The following SCAF8 variants were observed in gnomAD, a reference collection of about 807,000 sequenced individuals.
SCAF8 encodes SR-related CTD associated factor 8, also known as SR-related and CTD-associated factor 8.
SCAF8 carries 23 observed loss-of-function variants against 140.5 expected under a neutral mutation model. The ratio of observed to expected loss-of-function variants is 0.16; its 90% CI spans 0.12 to 0.23. The LOEUF (loss-of-function observed/expected upper bound fraction) is 0.23. Ranked by LOEUF, SCAF8 falls within the 10% of genes least tolerant of loss-of-function variation. SCAF8 has a pLI of 1.00. For synonymous variants in SCAF8, 575 were observed against 528.9 expected, an observed-to-expected ratio of 1.09 and a Z score of -1.20; for missense variants, 1,397 against 1,555.7, an observed-to-expected ratio of 0.90 and a Z score of 1.72.
intron 1 of SCAF8, among the ~76,000 whole-genome samples, chr6:154,753,696 A>G (rs1778896983): frequency 6.6e-6 from 1 of 152,186 alleles, no homozygotes; most frequent in African/African-American, 2.4e-5. Flanking sequence ...CATATTTATG[A>G]AGAAAGATGC....
At chr6:154,782,966 T>G (rs565932130) in intron 3 of SCAF8, among the ~76,000 whole-genome samples, 2 of 152,288 alleles carry the variant, frequency 1.3e-5, no homozygotes, top group African/African-American at 4.8e-5. Flanking sequence ...ATACTTTATG[T>G]CCTTCAATCC....
At chr6:154,734,184 G>A (rs1205686378) in intron 1 of SCAF8, among the ~76,000 whole-genome samples, 1 of 152,184 alleles carries the variant, frequency 6.6e-6, no homozygotes, top group African/African-American at 2.4e-5. Flanking sequence ...GAATGGCTGC[G>A]AGCTCGGAGG....
chr6:154,796,149 T>C (rs1777594454), intron 6 of SCAF8, among the ~76,000 whole-genome samples: 1 of 152,216 alleles, frequency 6.6e-6, no homozygotes. Context: ...TGTTACTTTT[T>C]TCAGACTCAT....
chr6:154,802,389 A>C (rs1195418343), intron 7 of SCAF8, among the ~76,000 whole-genome samples: 1 of 152,080 alleles, frequency 6.6e-6, no homozygotes, highest in Non-Finnish European at 1.5e-5. Context: ...GGGGAGCGCA[A>C]GGCAGGCAGA....
At chr6:154,796,643 T>C (rs914801964) in intron 6 of SCAF8, among the ~76,000 whole-genome samples, 1 of 152,118 alleles carries the variant, frequency 6.6e-6, no homozygotes, top group Admixed American at 6.5e-5. Context: ...ACCTGAGTGC[T>C]TTCTGCCTCT....
rs1414671973 is a variant in SCAF8, at chr6:154,834,183, A to G, written c.*788A>G. On this transcript the variant is annotated 3_prime_UTR_variant, in exon 20 of 20. Transcript: ENST00000367178. ...ACAACAATGAACTATGTGGTGGAAAAAGCATGTACTTTGATATAAAAATCA... is the reference window on the plus strand; with the variant it reads ...ACAACAATGAACTATGTGGTGGAAAGAGCATGTACTTTGATATAAAAATCA... The G allele has an allele frequency of 6.6e-6, 1 of 152,174 alleles. No homozygotes were observed. Among genetic ancestry groups the G allele is most frequent in the East Asian group, 1.9e-4 (1 of 5,200 alleles). The allele number at this position is 152,174 out of a possible 1,614,324, so 9.4% of individuals were successfully genotyped here.
intron 1 of SCAF8, among the ~76,000 whole-genome samples, chr6:154,767,486 CAT>C (rs940764416): frequency 4.1e-5 from 6 of 148,116 alleles, no homozygotes; most frequent in African/African-American, 1.5e-4. Context: ...TCTGGGAAAT[CAT>C]GTGTTGCCTC....
chr6:154,792,735 C>A, intron 4 of SCAF8, 88 bp from the exon 5 acceptor site: 1 of 842,190 alleles, frequency 1.2e-6, no homozygotes, highest in Non-Finnish European at 1.8e-6. Flanking sequence ...TTCTCCTTTC[C>A]ATCCAGGGCC....
intron 1 of SCAF8, among the ~76,000 whole-genome samples, chr6:154,766,577 T>C (rs1776572617): frequency 6.6e-6 from 1 of 152,052 alleles, no homozygotes; most frequent in Non-Finnish European, 1.5e-5. Context: ...AGTTGTCTTC[T>C]GTTAATTCCT....
In SCAF8 at chr6:154,810,087, C is replaced by T; in HGVS notation, c.1299C>T (p.Ser433=). 6.2e-7 allele frequency: 1 copy of T among 1,613,718 alleles called. No homozygotes were observed. The highest frequency in any genetic ancestry group is 8.5e-7 in the Non-Finnish European group (1 of 1,179,872). The change falls in exon 12 of 20, where the codon TCC becomes TCT. Residue 433 remains serine (S), a synonymous_variant. Transcript: ENST00000367178. ...GTAAACACAGAAAGCGATCACGCTC[C>T]CGCTCAAGAGAAAGAAAGAGGAAAT... ...RKRKHRKRSR[S]RSRERKRKSS...
chr6:154,791,168 T>G (rs1583038004), intron 4 of SCAF8, among the ~76,000 whole-genome samples: 1 of 152,214 alleles, frequency 6.6e-6, no homozygotes, highest in Non-Finnish European at 1.5e-5. Context: ...CTATTAAGTT[T>G]GAAGCTTTCA....
chr6:154,807,958 A>G, intron 9 of SCAF8, 112 bp from the exon 10 acceptor site: 1 of 902,098 alleles, frequency 1.1e-6, no homozygotes, highest in Non-Finnish European at 1.6e-6. Flanking sequence ...AATTTCTTTT[A>G]TGTATGGCTC....
chr6:154,813,524 G>A (rs1462678570), intron 12 of SCAF8, among the ~76,000 whole-genome samples: 1 of 152,048 alleles, frequency 6.6e-6, no homozygotes, highest in African/African-American at 2.4e-5. Flanking sequence ...GCAAGACCTC[G>A]TCTCCAAAAA....
intron 12 of SCAF8, among the ~76,000 whole-genome samples, chr6:154,814,952 T>C (rs946745433): frequency 1.3e-5 from 2 of 152,184 alleles, no homozygotes; most frequent in Admixed American, 6.5e-5. Context: ...TAGATTTATC[T>C]CTTGATTAGG....
chr6:154,774,080 A>T lies in SCAF8; in HGVS notation c.114+8A>T. On this transcript the variant is annotated splice_region_variant and intron_variant, in intron 2 of 19. Transcript: ENST00000367178. The stretch of plus-strand genomic sequence containing the variant: ...GCCATCAAAGCTATTAAGGTGAGTA[A>T]TAAATTTTACTCTTCTATTTTCAAA... 1 of 1,576,444 alleles carries T rather than the reference A, an allele frequency of 6.3e-7. No homozygotes were observed.
chr6:154,796,980 CAAAA>C (rs761510703), intron 6 of SCAF8, among the ~76,000 whole-genome samples: 2 of 133,700 alleles, frequency 1.5e-5, no homozygotes, highest in Non-Finnish European at 3.3e-5. Flanking sequence ...ACAAAAATCT[CAAAA>C]AAAAAAAAAG....
intron 1 of SCAF8, among the ~76,000 whole-genome samples, chr6:154,739,469 A>G (rs924490459): frequency 1.9e-4 from 29 of 152,276 alleles, no homozygotes; most frequent in African/African-American, 7.0e-4. Flanking sequence ...CCTTTCCCCC[A>G]TGATCTATTT....
chr6:154,819,100 C>T, intron 14 of SCAF8, among the ~76,000 whole-genome samples: 1 of 151,264 alleles, frequency 6.6e-6, no homozygotes, highest in East Asian at 1.9e-4. Flanking sequence ...TAATATCTTT[C>T]CATTACTTTC....
chr6:154,785,270 T>A (rs1295067244), intron 3 of SCAF8, among the ~76,000 whole-genome samples: 1 of 152,182 alleles, frequency 6.6e-6, no homozygotes, highest in African/African-American at 2.4e-5. Context: ...TTCTAGTTTT[T>A]GCAATTCTGA....
Sources: gnomAD v4.1 joint callset for allele counts (sites outside exome capture counted in the v4.1 genomes callset) on GRCh38, gnomAD v4.1.1 for gene constraint, MANE v1.5 for transcripts, NCBI Gene and HGNC (gene_info 2026-07-23, HGNC 2026-07-21) for gene names.